SF3B2: variants seen among roughly 807,000 people sequenced by gnomAD.
The protein encoded by SF3B2 is SAP 145.
Under a neutral mutation model 116.3 loss-of-function variants are expected in SF3B2, and 22 were observed. The ratio of observed to expected loss-of-function variants is 0.19; its 90% CI spans 0.14 to 0.27. The LOEUF is 0.27. SF3B2 is among the 10% of genes least tolerant of loss of function. The pLI, the probability that SF3B2 is intolerant of heterozygous loss-of-function variation, is 1.00. For synonymous variants in SF3B2, 406 were observed against 421.6 expected (o/e 0.96, Z 0.45); for missense variants, 767 against 1,151.4 (o/e 0.67, Z 4.83).
At chr11:66,058,657 C>A (rs1457845447) in intron 9 of SF3B2, 173 bp from the exon 10 acceptor site, 4 of 652,462 alleles carry the variant, frequency 6.1e-6, no homozygotes, top group Non-Finnish European at 5.3e-6. Context: ...TTGTGAGTGG[C>A]AGAACTTTGG....
At chr11:66,063,365 A>G (rs1857128043) in intron 17 of SF3B2, 35 bp from the exon 18 acceptor site, 2 of 1,586,122 alleles carry the variant, frequency 1.3e-6, no homozygotes, top group East Asian at 2.2e-5. Flanking sequence ...GGTACTTAGA[A>G]AACATTTGTT....
intron 21 of SF3B2, 130 bp from the exon 22 acceptor site, chr11:66,068,544 G>A: frequency 3.4e-6 from 3 of 880,804 alleles, no homozygotes; most frequent in Non-Finnish European, 5.3e-6. Flanking sequence ...CTGAGAGGGA[G>A]CTCGAAGAGA....
intron 13 of SF3B2, 133 bp downstream of exon 13, chr11:66,060,142 C>T: frequency 1.2e-6 from 1 of 809,408 alleles, no homozygotes; most frequent in African/African-American, 1.7e-5. Flanking sequence ...CTTTTGTTTT[C>T]CTCCTCTGCT....
chr11:66,052,974 G>T, intron 2 of SF3B2, 53 bp from the exon 3 acceptor site: 1 of 1,558,492 alleles, frequency 6.4e-7, no homozygotes, highest in Non-Finnish European at 8.9e-7. Context: ...AGCGAACGTC[G>T]TTTAGTGAAA....
Position 66,056,908 on chromosome 11 carries a change from C to A in SF3B2, c.620C>A (p.Pro207Gln). The change falls in exon 6 of 22, where the codon CCA becomes CAA. Residue 207 changes from proline to glutamine, a missense_variant. Pro to Gln is a moderately conservative substitution (Grantham distance 76). Around this residue, in one of 4 missense-constraint regions of SF3B2, gnomAD observed 455 missense variants for 537.5 expected, o/e 0.85. Coordinates refer to ENST00000322535, the MANE Select transcript of SF3B2 (RefSeq NM_006842.3). Reference sequence around the variant, plus strand: ...ATGGGCACCCCAGTCCCTCGGCCCCCACAAGACATGGGCCAGATTGGTGTG... The same window carrying A: ...ATGGGCACCCCAGTCCCTCGGCCCCAACAAGACATGGGCCAGATTGGTGTG... ...AKMGTPVPRP[P>Q]QDMGQIGVRT... 1 of 1,614,174 alleles carries A rather than the reference C, an allele frequency of 6.2e-7. No individual in the cohort carries two copies. Among genetic ancestry groups the A allele is most frequent in the Non-Finnish European group, 8.5e-7 (1 of 1,180,022 alleles).
At chr11:66,052,870 A>T in intron 2 of SF3B2, 151 bp downstream of exon 2, 1 of 1,214,820 alleles carries the variant, frequency 8.2e-7, no homozygotes, top group Non-Finnish European at 1.2e-6. Context: ...TTGCCAGCTT[A>T]GTTGTAATTT....
chr11:66,058,458 C>T lies in SF3B2; in HGVS notation c.966+53C>T, dbSNP rs3741372. ...AAAGCCAGGAGATGGGACTTGGGTA[C>T]GGAAATAACACAATTTGTAAGTGTT... On this transcript the variant is annotated intron_variant, in intron 9 of 21. Coordinates refer to ENST00000322535, the MANE Select transcript of SF3B2 (RefSeq NM_006842.3). 4.4e-3 allele frequency: 6,086 copies of T among 1,376,636 alleles called. 249 individuals carry two copies. The East Asian group carries it at 0.1, about 23-fold the overall frequency. 85.3% of individuals were successfully genotyped at this position (1,376,636 alleles called of 1,614,324 possible). A position where few individuals can be genotyped will look rare whatever the true frequency, so the allele number is the denominator to read the frequency against.
intron 19 of SF3B2, chr11:66,065,197 C>T (rs1047962782): frequency 6.6e-6 from 1 of 152,222 alleles, no homozygotes; most frequent in Non-Finnish European, 1.5e-5. Flanking sequence ...GTCTCGAGCT[C>T]CTGGCTTCAA....
intron 16 of SF3B2, 94 bp from the exon 17 acceptor site, chr11:66,062,915 A>T (rs1233107864): frequency 2.9e-6 from 2 of 680,106 alleles, no homozygotes; most frequent in African/African-American, 1.8e-5. Flanking sequence ...GTTCCCAAGT[A>T]TCAGCTCTGT....
rs1857057319 is a variant in SF3B2 at position 66,059,152 on chromosome 11, C to A, written c.1183-49C>A. ...CATCTTTTAGTGCTGGCCTTAGGAA[C>A]TGGGAAGGGGCTCAGAGGGCAGGGG... On this transcript the variant is annotated intron_variant, in intron 10 of 21. Transcript: ENST00000322535. The surrounding 1 kb of genome is among the most constrained non-coding windows in gnomAD (Gnocchi z 5.0). The A allele has an allele frequency of 6.2e-7, 1 of 1,612,746 alleles. No homozygotes were observed. Among genetic ancestry groups the A allele is most frequent in the Non-Finnish European group, 8.5e-7 (1 of 1,179,364 alleles).
At chr11:66,058,740 G>C (rs1857046544) in intron 9 of SF3B2, 90 bp from the exon 10 acceptor site, 1 of 1,125,476 alleles carries the variant, frequency 8.9e-7, no homozygotes, top group Non-Finnish European at 1.3e-6. Flanking sequence ...CTGTTGAACT[G>C]TGGGGGAGAA....
chr11:66,056,694 TGTG>T, intron 5 of SF3B2, 141 bp from the exon 6 acceptor site: 1 of 634,300 alleles, frequency 1.6e-6, no homozygotes, highest in Middle Eastern at 3.6e-4. Flanking sequence ...AGCCTGGAAG[TGTG>T]GGGGTGGAGG....
At position 66,059,501 on chromosome 11, in the gene SF3B2, T is replaced by C. The variant is rs1857064130; in HGVS notation, c.1321-14T>C. The C allele has an allele frequency of 3.1e-6, 5 of 1,613,764 alleles. No homozygotes were observed. Among genetic ancestry groups the C allele is most frequent in the Admixed American group, 3.3e-5 (2 of 59,992 alleles). On this transcript the variant is annotated splice_polypyrimidine_tract_variant and intron_variant, in intron 11 of 21. Coordinates refer to ENST00000322535, the MANE Select transcript of SF3B2 (RefSeq NM_006842.3). The surrounding 1 kb of genome is among the most constrained non-coding windows in gnomAD (Gnocchi z 5.0). The stretch of plus-strand genomic sequence containing the variant: ...TCTGAGTCCTGCTTAAAAGGGCTGA[T>C]TGTTCTGTTCTAGGAAAAGAAGCCA...
chr11:66,052,969 A>G, intron 2 of SF3B2, 58 bp from the exon 3 acceptor site: 7 of 1,536,962 alleles, frequency 4.6e-6, no homozygotes, highest in Non-Finnish European at 6.3e-6. Context: ...TTGGGAGCGA[A>G]CGTCGTTTAG....
intron 5 of SF3B2, 165 bp downstream of exon 5, chr11:66,055,750 C>G: frequency 4.7e-6 from 3 of 631,908 alleles, no homozygotes; most frequent in South Asian, 4.2e-5. Context: ...CAGGAATTGA[C>G]AAACTATGAC....
rs572062191 is a variant in SF3B2 at position 66,059,743 on chromosome 11, C to T, written c.1402-39C>T. The stretch of plus-strand genomic sequence containing the variant: ...AAGAAGAGCTTCAGAACTGAGAAGT[C>T]GGGGCTCTCGAGAACACGCATTACT... On this transcript the variant is annotated intron_variant, in intron 12 of 21. Coordinates refer to ENST00000322535, the MANE Select transcript of SF3B2 (RefSeq NM_006842.3). The surrounding 1 kb of genome is among the most constrained non-coding windows in gnomAD (Gnocchi z 5.0). The T allele has an allele frequency of 3.6e-5, 58 of 1,608,602 alleles. No individual in the cohort carries two copies. Among genetic ancestry groups the T allele is most frequent in the African/African-American group, 2.0e-4 (15 of 74,880 alleles).
In SF3B2 at chr11:66,068,727, T is replaced by C. The variant is rs369734632; in HGVS notation, c.2670T>C (p.Tyr890=). ...ACAGCCGTGGGGGCAGCAAGAAATA[T>C]AAGGAGTTCAAGTTTTAGGTCCCCT... ...PQDSRGGSKK[Y]KEFKF The change falls in exon 22 of 22, where the codon TAT becomes TAC. Residue 890 remains tyrosine (Y), a synonymous_variant. Transcript: ENST00000322535. 1.4e-5 allele frequency: 23 copies of C among 1,613,890 alleles called. No homozygotes were observed. The highest frequency in any genetic ancestry group is 2.7e-5 in the African/African-American group (2 of 74,858).
Position 66,059,719 on chromosome 11 carries a change from A to G in SF3B2, c.1402-63A>G, listed in dbSNP as rs1476457432. On this transcript the variant is annotated intron_variant, in intron 12 of 21. Transcript: ENST00000322535. The surrounding 1 kb of genome is among the most constrained non-coding windows in gnomAD (Gnocchi z 5.0). Reference sequence around the variant, plus strand: ...GATTTGGGTTTGGGTCCTTTGAGGAAGAAGAGCTTCAGAACTGAGAAGTCG... The same window carrying G: ...GATTTGGGTTTGGGTCCTTTGAGGAGGAAGAGCTTCAGAACTGAGAAGTCG... 2 of 1,601,330 alleles carry G rather than the reference A, an allele frequency of 1.2e-6. No homozygotes were observed. Among genetic ancestry groups the G allele is most frequent in the East Asian group, 2.2e-5 (1 of 44,780 alleles).
At chr11:66,058,468 A>G in intron 9 of SF3B2, 63 bp downstream of exon 9, 1 of 1,303,542 alleles carries the variant, frequency 7.7e-7, no homozygotes, top group Non-Finnish European at 1.1e-6. Flanking sequence ...CGGAAATAAC[A>G]CAATTTGTAA....
Sources: gnomAD v4.1 joint callset for allele counts on GRCh38, gnomAD v4.1.1 for gene constraint, gnomAD v4.1.1 regional missense constraint, Gnocchi (gnomAD v3.1) non-coding constraint, MANE v1.5 for transcripts, NCBI Gene and HGNC (gene_info 2026-07-23, HGNC 2026-07-21) for gene names.